Variants in DENND1A observed in about 807,000 individuals in gnomAD.
The protein encoded by DENND1A is DENN domain-containing protein 1A.
In DENND1A, 51 loss-of-function variants were observed where a neutral mutation model predicts 113.7. The ratio of observed to expected loss-of-function variants is 0.45; its 90% CI spans 0.36 to 0.57. DENND1A has a LOEUF of 0.57. Ranked by LOEUF, DENND1A falls within the 20% of genes least tolerant of loss-of-function variation. DENND1A has a pLI of 0.00. For missense variants in DENND1A, 1,258 were observed against 1,395.9 expected, an observed-to-expected ratio of 0.90 and a Z score of 1.57; for synonymous variants, 565 against 570.8, an observed-to-expected ratio of 0.99 and a Z score of 0.14.
At chr9:123,461,256 T>C (rs1380876196) in intron 13 of DENND1A, among the ~76,000 whole-genome samples, 1 of 152,194 alleles carries the variant, frequency 6.6e-6, no homozygotes, top group Admixed American at 6.5e-5. Flanking sequence ...GGTGCTGGGA[T>C]AGTCTTCACT....
intron 1 of DENND1A, among the ~76,000 whole-genome samples, chr9:123,900,685 CA>C (rs1332185887): frequency 1.3e-5 from 2 of 152,218 alleles, no homozygotes; most frequent in Admixed American, 1.3e-4. Flanking sequence ...CTCCACCACA[CA>C]AACGGCCTAA....
At position 123,741,019 on chromosome 9, in the gene DENND1A, A is replaced by C. The variant is rs1324792530; in HGVS notation, c.302+16684T>G. Among the ~76,000 whole-genome samples the C allele has an allele frequency of 4.6e-5, 7 of 151,716 alleles. No homozygotes were observed. In the East Asian group the frequency reaches 9.7e-4, roughly 21 times the overall value. On this transcript the variant is annotated intron_variant, in intron 5 of 23. Transcript: ENST00000394215. ...TTCATTCAATAAGTACTTATGTAGA[A>C]TCTACTAGGGGTCAGCTACTCTCAA... is the stretch of plus-strand genomic sequence containing the variant.
chr9:123,904,290 A>G (rs970064999), intron 1 of DENND1A, among the ~76,000 whole-genome samples: 2 of 151,980 alleles, frequency 1.3e-5, no homozygotes, highest in African/African-American at 2.4e-5. Flanking sequence ...GAAAAACTGG[A>G]AACTCTAAAA....
At chr9:123,454,875 T>A in intron 15 of DENND1A, 96 bp from the exon 16 acceptor site, 72 of 975,888 alleles carry the variant, frequency 7.4e-5, no homozygotes, top group Non-Finnish European at 1.0e-4. Context: ...TGAGATGGAG[T>A]CTCACGCTGT....
At chr9:123,859,642 T>C (rs1844774768) in intron 2 of DENND1A, among the ~76,000 whole-genome samples, 3 of 152,110 alleles carry the variant, frequency 2.0e-5, no homozygotes, top group Admixed American at 2.0e-4. Context: ...CTGTGAAGAT[T>C]AAATAAAAGA....
At chr9:123,801,339 TG>T (rs1387635303) in intron 2 of DENND1A, among the ~76,000 whole-genome samples, 4 of 152,324 alleles carry the variant, frequency 2.6e-5, no homozygotes, top group Middle Eastern at 3.4e-3. Context: ...TCCCAGCCCC[TG>T]GCAACCACCA....
Position 123,460,210 on chromosome 9 carries a change from G to A in DENND1A, c.994-2313C>T, listed in dbSNP as rs151249966. Among the ~76,000 whole-genome samples the A allele has an allele frequency of 3.1e-4, 47 of 152,312 alleles. No homozygotes were observed. In the East Asian group the frequency reaches 8.3e-3, roughly 27 times the overall value. ...TTCCTTGGGAAAAATAGCTTTATGT[G>A]CCATTTATTACTTTGGCATGGGTTT... is the stretch of plus-strand genomic sequence containing the variant. On this transcript the variant is annotated intron_variant, in intron 13 of 23. Transcript: ENST00000394215.
At chr9:123,401,664 C>A in intron 21 of DENND1A, 2 of 1,478,372 alleles carry the variant, frequency 1.4e-6, no homozygotes, top group Non-Finnish European at 1.8e-6. Context: ...ATTAAACAAA[C>A]AACAAACCAA....
chr9:123,799,270 T>C (rs1305019274), intron 2 of DENND1A, among the ~76,000 whole-genome samples: 1 of 152,230 alleles, frequency 6.6e-6, no homozygotes, highest in Non-Finnish European at 1.5e-5. Context: ...AGCTATGCTA[T>C]AGAGACTATC....
intron 2 of DENND1A, among the ~76,000 whole-genome samples, chr9:123,821,687 C>T (rs2132621441): frequency 6.6e-6 from 1 of 152,284 alleles, no homozygotes; most frequent in South Asian, 2.1e-4. Flanking sequence ...TCAAACAGAC[C>T]ACTTAACAGC....
At chr9:123,721,730 C>G (rs1222971362) in intron 5 of DENND1A, among the ~76,000 whole-genome samples, 1 of 152,334 alleles carries the variant, frequency 6.6e-6, no homozygotes, top group Admixed American at 6.5e-5. Context: ...TTACCTGCTT[C>G]CATCCATGTA....
chr9:123,741,778 G>A (rs370319305), intron 5 of DENND1A, among the ~76,000 whole-genome samples: 19 of 152,252 alleles, frequency 1.2e-4, no homozygotes, highest in East Asian at 3.9e-4. Context: ...TCCCCAATCC[G>A]AGTTTCAAGT....
intron 18 of DENND1A, among the ~76,000 whole-genome samples, chr9:123,443,026 C>G (rs2047044314): frequency 1.3e-5 from 2 of 152,162 alleles, no homozygotes; most frequent in Non-Finnish European, 2.9e-5. Context: ...TTTCCAGACC[C>G]TTGACCTTCA....
chr9:123,482,622 T>A (rs12554159), intron 13 of DENND1A, among the ~76,000 whole-genome samples: 216 of 152,270 alleles, frequency 1.4e-3, no homozygotes, highest in Non-Finnish European at 2.7e-3. Context: ...CCTGGAGCTA[T>A]CACAGTCAGC....
intron 19 of DENND1A, among the ~76,000 whole-genome samples, chr9:123,428,534 A>G (rs1229170898): frequency 2.0e-5 from 3 of 152,218 alleles, no homozygotes; most frequent in Admixed American, 6.5e-5. Flanking sequence ...TCAACACAGT[A>G]TTGGAAGTTC....
At chr9:123,402,260 A>ACACG (rs61496821) in intron 21 of DENND1A, among the ~76,000 whole-genome samples, 7,887 of 151,766 alleles carry the variant, frequency 0.052, 681 homozygotes, top group African/African-American at 0.18. Flanking sequence ...ACACACACAC[A>ACACG]CACGCACGCA....
At chr9:123,804,077 G>A (rs1835140473) in intron 2 of DENND1A, among the ~76,000 whole-genome samples, 1 of 152,224 alleles carries the variant, frequency 6.6e-6, no homozygotes, top group South Asian at 2.1e-4. Context: ...ATTCCCACAT[G>A]TTATGGGAGG....
chr9:123,753,254 G>A (rs1236646394), intron 5 of DENND1A, among the ~76,000 whole-genome samples: 2 of 152,168 alleles, frequency 1.3e-5, no homozygotes, highest in African/African-American at 2.4e-5. Flanking sequence ...AACTTTGGAT[G>A]TATTTGTGGG....
intron 13 of DENND1A, among the ~76,000 whole-genome samples, chr9:123,476,305 T>C (rs12006121): frequency 0.051 from 7,826 of 152,210 alleles, 658 homozygotes; most frequent in African/African-American, 0.18. Context: ...GGGGTCACGA[T>C]GGTGTGGAGA....
Sources: gnomAD v4.1 joint callset for allele counts (sites outside exome capture counted in the v4.1 genomes callset) on GRCh38, gnomAD v4.1.1 for gene constraint, MANE v1.5 for transcripts, NCBI Gene and HGNC (gene_info 2026-07-23, HGNC 2026-07-21) for gene names.